Variants in MARCHF10 observed in about 807,000 individuals in gnomAD.
MARCHF10 encodes the protein membrane associated ring-CH-type finger 10.
In MARCHF10, 64 loss-of-function variants were observed where a neutral mutation model predicts 76.2. The observed-to-expected ratio is 0.84, with a 90% CI of 0.69 to 1.03. MARCHF10 has a LOEUF of 1.03. MARCHF10 is among the 50% of genes least tolerant of loss of function. MARCHF10 has a pLI of 0.00. For missense variants in MARCHF10, 875 were observed against 958.0 expected (o/e 0.91, Z 1.14); for synonymous variants, 340 against 357.5 (o/e 0.95, Z 0.55).
chr17:62,708,243 C>CTTTTTTT (rs60147578), intron 9 of MARCHF10, among the ~76,000 whole-genome samples: 3 of 144,568 alleles, frequency 2.1e-5, no homozygotes, highest in African/African-American at 2.6e-5. Context: ...AAAGTAGGTT[C>CTTTTTTT]TTTTTTTTTT....
intron 9 of MARCHF10, chr17:62,706,378 T>C (rs2089592119): frequency 6.6e-6 from 1 of 152,216 alleles, no homozygotes; most frequent in Non-Finnish European, 1.5e-5. Context: ...TTCTCTGGGC[T>C]CCTGAGATAA....
intron 3 of MARCHF10, among the ~76,000 whole-genome samples, chr17:62,780,205 T>C (rs1372195603): frequency 6.6e-6 from 1 of 152,224 alleles, no homozygotes; most frequent in East Asian, 1.9e-4. Context: ...CACAGTACAT[T>C]TAATTTTAAT....
chr17:62,759,729 T>G, intron 4 of MARCHF10, 106 bp downstream of exon 4: 1 of 1,197,250 alleles, frequency 8.4e-7, no homozygotes, highest in Non-Finnish European at 1.2e-6. Flanking sequence ...CCTCAGCCTC[T>G]CAAAGTGCTG....
chr17:62,715,231 G>A (rs995250246), intron 8 of MARCHF10, among the ~76,000 whole-genome samples: 2 of 152,244 alleles, frequency 1.3e-5, no homozygotes, highest in East Asian at 3.8e-4. Context: ...AATCTGGCCT[G>A]TGGATGTGCT....
At chr17:62,805,390 T>C (rs76229401) in intron 1 of MARCHF10, among the ~76,000 whole-genome samples, 2,810 of 152,212 alleles carry the variant, frequency 0.018, 90 homozygotes, top group African/African-American at 0.061. Flanking sequence ...GCAGAGACCA[T>C]AAAGACTCAT....
chr17:62,739,624 G>T (rs1172554735), intron 5 of MARCHF10, among the ~76,000 whole-genome samples: 1 of 152,036 alleles, frequency 6.6e-6, no homozygotes, highest in Non-Finnish European at 1.5e-5. Flanking sequence ...CAAGTGATCC[G>T]CCTGCCTTGG....
In MARCHF10 at chr17:62,736,664, A is replaced by G. The variant is rs779263826; in HGVS notation, c.1204T>C (p.Ser402Pro). Residue 402 changes from serine to proline, a missense_variant, in exon 6 of 11, where the codon TCG becomes CCG. Physicochemically the swap from Ser to Pro is moderately conservative, Grantham distance 74. Transcript: ENST00000311269. The stretch of plus-strand genomic sequence containing the variant: ...CTGGGCTCGGATTTGGTGTCCCACG[A>G]AAGAGGGCTCTTTTTCGCATTTTCA... ...GSENAKKSPLSWDTKSEPRQE... is the reference protein window; with the variant it reads ...GSENAKKSPLPWDTKSEPRQE... 6.2e-7 allele frequency: 1 copy of G among 1,614,112 alleles called. No individual in the cohort carries two copies. Among genetic ancestry groups the G allele is most frequent in the Non-Finnish European group, 8.5e-7 (1 of 1,180,012 alleles).
intron 6 of MARCHF10, 143 bp downstream of exon 6, chr17:62,735,788 C>T (rs2091235441): frequency 1.5e-6 from 1 of 679,574 alleles, no homozygotes; most frequent in Non-Finnish European, 2.4e-6. Context: ...AAAACAGAGA[C>T]AATTTTCTCA....
chr17:62,711,151 A>G lies in MARCHF10; in HGVS notation c.2328+80T>C, dbSNP rs1207170744. The G allele has an allele frequency of 4.2e-6, 5 of 1,182,404 alleles. No individual in the cohort carries two copies. Among genetic ancestry groups the G allele is most frequent in the African/African-American group, 3.0e-5 (2 of 66,464 alleles). 73.2% of individuals were successfully genotyped at this position (1,182,404 alleles called of 1,614,324 possible). A position where few individuals can be genotyped will look rare whatever the true frequency, so the allele number is the denominator to read the frequency against. On this transcript the variant is annotated intron_variant, in intron 9 of 10. Coordinates refer to ENST00000311269, the MANE Select transcript of MARCHF10 (RefSeq NM_152598.4). This position sits in a 1 kb window ranked among gnomAD's most constrained non-coding sequence, Gnocchi z 4.4. Reference sequence around the variant, plus strand: ...CTCCCAAGCGACCGTGAGGACCTCAACAGCTTGCACATCTAATAAACAGCA... The same window carrying G: ...CTCCCAAGCGACCGTGAGGACCTCAGCAGCTTGCACATCTAATAAACAGCA...
chr17:62,747,397 G>C (rs1183007103), intron 4 of MARCHF10, among the ~76,000 whole-genome samples: 1 of 152,188 alleles, frequency 6.6e-6, no homozygotes, highest in Non-Finnish European at 1.5e-5. Flanking sequence ...CTCTAATCAA[G>C]TTCTCAGCAA....
At chr17:62,757,838 GT>G (rs2092091113) in intron 4 of MARCHF10, among the ~76,000 whole-genome samples, 1 of 152,198 alleles carries the variant, frequency 6.6e-6, no homozygotes, top group African/African-American at 2.4e-5. Context: ...GAAACCTGGT[GT>G]TTTTGTCTGG....
At chr17:62,730,404 T>C (rs1365382567) in intron 6 of MARCHF10, among the ~76,000 whole-genome samples, 1 of 152,194 alleles carries the variant, frequency 6.6e-6, no homozygotes, top group Non-Finnish European at 1.5e-5. Context: ...TAAAAAGACC[T>C]TAGAACCTCA....
chr17:62,744,111 G>C (rs1216806213), intron 5 of MARCHF10, among the ~76,000 whole-genome samples: 1 of 151,900 alleles, frequency 6.6e-6, no homozygotes, highest in East Asian at 1.9e-4. Flanking sequence ...CTCAAAACCA[G>C]TTACACTCAT....
intron 4 of MARCHF10, among the ~76,000 whole-genome samples, chr17:62,744,889 T>C (rs1170928517): frequency 1.3e-5 from 2 of 150,754 alleles, no homozygotes; most frequent in Non-Finnish European, 3.0e-5. Flanking sequence ...GGCGCATGCC[T>C]GTAGTCCCGG....
chr17:62,726,361 C>T (rs1306031348), intron 6 of MARCHF10, among the ~76,000 whole-genome samples: 1 of 152,180 alleles, frequency 6.6e-6, no homozygotes, highest in Non-Finnish European at 1.5e-5. Context: ...GAAATATATG[C>T]TCAATTTCTT....
chr17:62,704,247 C>T (rs1599019096), intron 10 of MARCHF10, among the ~76,000 whole-genome samples: 1 of 151,896 alleles, frequency 6.6e-6, no homozygotes, highest in African/African-American at 2.4e-5. Context: ...GCGTTTTCCC[C>T]GGAGGTGCGG....
At chr17:62,797,051 G>T (rs2092997597) in intron 2 of MARCHF10, among the ~76,000 whole-genome samples, 1 of 152,216 alleles carries the variant, frequency 6.6e-6, no homozygotes, top group Admixed American at 6.5e-5. Context: ...AATTTGCAAT[G>T]CAGTTTCATA....
In MARCHF10 at chr17:62,801,707, T is replaced by C. The variant is rs763398991; in HGVS notation, c.29A>G (p.Lys10Arg). 3 of 1,614,204 alleles carry C rather than the reference T, an allele frequency of 1.9e-6. No individual in the cohort carries two copies. Among genetic ancestry groups the C allele is most frequent in the Non-Finnish European group, 8.5e-7 (1 of 1,180,020 alleles). Residue 10 changes from lysine to arginine, a missense_variant, in exon 2 of 11, where the codon AAG becomes AGG. Transcript: ENST00000311269. ...CAGATACTGAACATCGCTGAAGAAC[T>C]TCTGCCTGTCCCTTGCGTCATGCAA... MLHDARDRQ[K>R]FFSDVQYLRD... is the part of the protein sequence containing the mutation.
intron 3 of MARCHF10, among the ~76,000 whole-genome samples, chr17:62,783,211 T>C (rs2092691691): frequency 6.7e-6 from 1 of 149,114 alleles, no homozygotes; most frequent in Non-Finnish European, 1.5e-5. Context: ...TTTTTTTTTT[T>C]TTTTTTTTTG....
Sources: gnomAD v4.1 joint callset for allele counts (sites outside exome capture counted in the v4.1 genomes callset) on GRCh38, gnomAD v4.1.1 for gene constraint, Gnocchi (gnomAD v3.1) non-coding constraint, MANE v1.5 for transcripts, NCBI Gene and HGNC (gene_info 2026-07-23, HGNC 2026-07-21) for gene names.